The following HEATR5B variants were observed in gnomAD, a reference collection of about 807,000 sequenced individuals.
The protein encoded by HEATR5B is HEAT repeat containing 5B, also known as HEAT repeat-containing protein 5B.
Under a neutral mutation model 224.1 loss-of-function variants are expected in HEATR5B, and 156 were observed. The ratio of observed to expected loss-of-function variants is 0.70; its 90% confidence interval spans 0.61 to 0.80. The LOEUF is 0.80. Among genes scored for constraint, HEATR5B ranks in the 30% least tolerant of loss-of-function variants. The pLI is 0.00. For missense variants in HEATR5B, 2,323 were observed against 2,535.5 expected (o/e 0.92, Z 1.80); for synonymous variants, 1,027 against 893.0 (o/e 1.15, Z -2.68).
intron 2 of HEATR5B, among the ~76,000 whole-genome samples, chr2:37,080,300 G>A (rs1199165453): frequency 3.3e-5 from 5 of 152,166 alleles, no homozygotes; most frequent in Admixed American, 3.3e-4. Context: ...AAGCAGAGGA[G>A]GGTCGTGATC....
chr2:37,072,960 T>C (rs903324366), intron 5 of HEATR5B, among the ~76,000 whole-genome samples: 3 of 152,206 alleles, frequency 2.0e-5, no homozygotes, highest in Non-Finnish European at 2.9e-5. Flanking sequence ...TTTGATTCTG[T>C]ACTTCAAAAT....
chr2:36,987,114 C>G (rs1666000131), intron 35 of HEATR5B, among the ~76,000 whole-genome samples: 1 of 152,042 alleles, frequency 6.6e-6, no homozygotes, highest in Non-Finnish European at 1.5e-5. Flanking sequence ...AGGAATCTGA[C>G]AGAAATAATT....
In HEATR5B at chr2:37,040,458, A is replaced by G; in HGVS notation, c.2917T>C (p.Tyr973His). The change falls in exon 20 of 36, where the codon TAT (tyrosine) becomes CAT (histidine). Residue 973 changes from tyrosine to histidine, a missense_variant. Physicochemically the swap from Tyr to His is moderately conservative, Grantham distance 83. Transcript: ENST00000233099. The stretch of plus-strand genomic sequence containing the variant: ...ACTAGAGATAATGTTGGTTCCACAT[A>G]GCCACGATACATCGGACCACTAGAA... ...VDSSGPMYRG[Y>H]VEPTLSLVLT... is the part of the protein sequence containing the mutation. The G allele has an allele frequency of 6.2e-7, 1 of 1,614,038 alleles. No homozygotes were observed.
chr2:37,061,472 T>C (rs1572914769), intron 11 of HEATR5B, among the ~76,000 whole-genome samples: 1 of 152,184 alleles, frequency 6.6e-6, no homozygotes, highest in East Asian at 1.9e-4. Context: ...ATCACAATAA[T>C]AGGTATTTTT....
At chr2:37,051,735 CTTCTT>C (rs1032524080) in intron 17 of HEATR5B, among the ~76,000 whole-genome samples, 2 of 151,814 alleles carry the variant, frequency 1.3e-5, no homozygotes, top group Non-Finnish European at 2.9e-5. Context: ...TGTATTTCTT[CTTCTT>C]TTTTTTTTCT....
In HEATR5B at chr2:36,988,803, G is replaced by C. The variant is rs759237314; in HGVS notation, c.5754C>G (p.Ala1918=). The C allele has an allele frequency of 6.2e-7, 1 of 1,614,090 alleles. No homozygotes were observed. The highest frequency in any genetic ancestry group is 8.5e-7 in the Non-Finnish European group (1 of 1,180,010). The part of the protein sequence containing the change: ...LLSVFQHSNR[A]LSTPYIHSLA... ...ATGAATGAATATAAGGAGTTGAAAG[G>C]GCACGATTGGAATGCTGGAAGACTG... Residue 1918 remains alanine (A), a synonymous_variant, in exon 35 of 36, where the codon GCC becomes GCG. Transcript: ENST00000233099.
intron 26 of HEATR5B, among the ~76,000 whole-genome samples, chr2:37,018,191 C>T (rs190778705): frequency 8.1e-5 from 12 of 148,758 alleles, no homozygotes; most frequent in Admixed American, 4.6e-4. Context: ...AAAAAAACTT[C>T]TTATAAAAAA....
chr2:37,037,864 A>G lies in HEATR5B; in HGVS notation c.3207T>C (p.Pro1069=). 6.5e-7 allele frequency: 1 copy of G among 1,543,044 alleles called. No homozygotes were observed. The highest frequency in any genetic ancestry group is 8.8e-7 in the Non-Finnish European group (1 of 1,141,656). ...PRHVNLSSLV[P]SLCVHLCSSH... ...ATAGCTCTATACTTACACAAAGGCTAGGAACAAGGCTAGATAGATTGACAT... is the reference window on the plus strand; with the variant it reads ...ATAGCTCTATACTTACACAAAGGCTGGGAACAAGGCTAGATAGATTGACAT... Residue 1069 remains proline, a synonymous_variant, in exon 21 of 36, where the codon CCT becomes CCC. Transcript: ENST00000233099.
chr2:37,034,840 G>A (rs138823182), intron 21 of HEATR5B, among the ~76,000 whole-genome samples: 1 of 151,920 alleles, frequency 6.6e-6, no homozygotes, highest in South Asian at 2.1e-4. Context: ...TTACAGGTGT[G>A]AGCCACCGCA....
chr2:37,040,539 A>C, intron 19 of HEATR5B, 21 bp from the exon 20 acceptor site: 3 of 1,567,480 alleles, frequency 1.9e-6, no homozygotes, highest in Non-Finnish European at 2.6e-6. Flanking sequence ...ATATAATTTC[A>C]TTTTAGTTGT....
intron 34 of HEATR5B, among the ~76,000 whole-genome samples, chr2:36,990,374 A>G (rs781018172): frequency 2.8e-4 from 42 of 152,354 alleles, no homozygotes; most frequent in Non-Finnish European, 5.7e-4. Flanking sequence ...ATTTAAATAA[A>G]CACTGGAAAA....
Position 37,074,237 on chromosome 2 carries a change from G to C in HEATR5B, c.597+1248C>G, listed in dbSNP as rs557810861. ...ACTTGGGAGGCTGAGGCAGGAGAATGGTGTGAACCCGGGAGGCGGAGTTTG... is the reference window on the plus strand; with the variant it reads ...ACTTGGGAGGCTGAGGCAGGAGAATCGTGTGAACCCGGGAGGCGGAGTTTG... On this transcript the variant is annotated intron_variant, in intron 5 of 35. Transcript: ENST00000233099. 1.1e-4 allele frequency among the ~76,000 whole-genome samples: 17 copies of C among 151,708 alleles called. 1 individual carries two copies. In the South Asian group the frequency reaches 3.5e-3, roughly 32 times the overall value.
At chr2:37,043,397 T>A (rs1248657387) in intron 18 of HEATR5B, among the ~76,000 whole-genome samples, 1 of 152,252 alleles carries the variant, frequency 6.6e-6, no homozygotes, top group Non-Finnish European at 1.5e-5. Context: ...TGCTTGACTT[T>A]CAGAATGGCC....
chr2:37,035,017 G>C (rs916373057), intron 21 of HEATR5B, among the ~76,000 whole-genome samples: 1 of 152,102 alleles, frequency 6.6e-6, no homozygotes, highest in South Asian at 2.1e-4. Flanking sequence ...TTACAGTGGG[G>C]ACAATATCCA....
At position 36,984,215 on chromosome 2, in the gene HEATR5B, A is replaced by AAAAAAAAAAAAT; in HGVS notation, c.5912-2422_5912-2421insATTTTTTTTTTT. Among the ~76,000 whole-genome samples the AAAAAAAAAAAAT allele has an allele frequency of 7.2e-4, 56 of 77,624 alleles. 1 individual carries two copies. The highest frequency in any genetic ancestry group is 3.1e-3 in the African/African-American group (53 of 17,034). 50.9% of individuals were successfully genotyped at this position (77,624 alleles called of 152,430 possible). On this transcript the variant is annotated intron_variant, in intron 35 of 35. Coordinates refer to ENST00000233099, the MANE Select transcript of HEATR5B (RefSeq NM_019024.3). ...AACTCTGTCTCAAAAAAAAAAAAAA[A>AAAAAAAAAAAAT]ATATATATATATATATATATATAAA...
rs1234403920 is a variant in HEATR5B, at chr2:36,990,659, A to G, written c.5686T>C (p.Cys1896Arg). ...MNRFKNALNS[C>R]DPWVQAKCYQ... ...AACGTGTAACTTACCCATGGGTCGC[A>G]TGAATTTAATGCATTTTTAAATCTG... is the stretch of plus-strand genomic sequence containing the variant. Residue 1896 changes from cysteine to arginine, a missense_variant, in exon 34 of 36, where the codon TGC becomes CGC. Cys to Arg is a radical substitution (Grantham distance 180). Transcript: ENST00000233099. 1.3e-6 allele frequency: 2 copies of G among 1,589,684 alleles called. No individual in the cohort carries two copies. The highest frequency in any genetic ancestry group is 1.1e-5 in the South Asian group (1 of 87,124).
At chr2:37,035,111 A>G (rs1274256716) in intron 21 of HEATR5B, among the ~76,000 whole-genome samples, 1 of 152,220 alleles carries the variant, frequency 6.6e-6, no homozygotes, top group Non-Finnish European at 1.5e-5. Context: ...TTTAGTAACA[A>G]TTACAGAGAA....
At chr2:37,054,762 T>A (rs1187009948) in intron 16 of HEATR5B, among the ~76,000 whole-genome samples, 1 of 151,986 alleles carries the variant, frequency 6.6e-6, no homozygotes, top group Non-Finnish European at 1.5e-5. Flanking sequence ...GGATAACAGG[T>A]GTGAGCCACA....
intron 24 of HEATR5B, among the ~76,000 whole-genome samples, chr2:37,023,507 G>A (rs1193838745): frequency 6.6e-6 from 1 of 152,160 alleles, no homozygotes; most frequent in African/African-American, 2.4e-5. Context: ...ACTGACTCAT[G>A]TTTGCAATCC....
Sources: allele counts gnomAD v4.1 joint callset (sites outside exome capture counted in the v4.1 genomes callset), GRCh38; gene constraint gnomAD v4.1.1; transcripts MANE v1.5; gene names NCBI Gene and HGNC (gene_info 2026-07-23, HGNC 2026-07-21).